DLG2: variants seen among roughly 807,000 people sequenced by gnomAD.
The protein encoded by DLG2 is disks large homolog 2.
Under a neutral mutation model 132.5 loss-of-function variants are expected in DLG2, and 45 were observed. The ratio of observed to expected loss-of-function variants is 0.34; its 90% CI spans 0.27 to 0.44. The LOEUF is 0.44. DLG2 is among the 20% of genes least tolerant of loss of function. The probability of loss-of-function intolerance (pLI) is 1.00; values close to 1 mark genes in which losing one functional copy is unlikely to be tolerated. For missense variants in DLG2, 1,045 were observed against 1,196.9 expected, an observed-to-expected ratio of 0.87 and a Z score of 1.87; for synonymous variants, 424 against 419.6, an observed-to-expected ratio of 1.01 and a Z score of -0.13.
intron 3 of DLG2, among the ~76,000 whole-genome samples, chr11:85,408,702 C>A (rs1478314324): frequency 6.6e-6 from 1 of 151,484 alleles, no homozygotes; most frequent in African/African-American, 2.4e-5. Flanking sequence ...CAATTTCATC[C>A]ATGTCCCTAC....
At chr11:85,200,347 A>T (rs2081373440) in intron 4 of DLG2, among the ~76,000 whole-genome samples, 1 of 152,194 alleles carries the variant, frequency 6.6e-6, no homozygotes, top group African/African-American at 2.4e-5. Context: ...CTTGACAGTG[A>T]ATCTAAGAGT....
chr11:83,480,384 C>T (rs1335244295), intron 22 of DLG2: 41 of 1,535,242 alleles, frequency 2.7e-5, no homozygotes, highest in Non-Finnish European at 3.1e-5. Flanking sequence ...TAGCTACTTT[C>T]GCTATCGCTG....
intron 6 of DLG2, among the ~76,000 whole-genome samples, chr11:84,661,100 C>T (rs529097374): frequency 1.3e-5 from 2 of 152,148 alleles, no homozygotes; most frequent in South Asian, 2.1e-4. Context: ...CCATATACGC[C>T]CCCTCTCTCC....
chr11:85,459,645 AG>A (rs1408978412), intron 3 of DLG2, among the ~76,000 whole-genome samples: 2 of 152,032 alleles, frequency 1.3e-5, no homozygotes, highest in Non-Finnish European at 2.9e-5. Flanking sequence ...CTTTCCATAT[AG>A]TGGCTGTAGT....
chr11:85,057,278 G>A (rs909806676), intron 6 of DLG2, among the ~76,000 whole-genome samples: 2 of 151,530 alleles, frequency 1.3e-5, no homozygotes, highest in African/African-American at 2.4e-5. Flanking sequence ...ATTAGAAAAG[G>A]CTTTAAAATG....
At chr11:83,518,964 G>C (rs2095391893) in intron 21 of DLG2, among the ~76,000 whole-genome samples, 1 of 152,194 alleles carries the variant, frequency 6.6e-6, no homozygotes, top group South Asian at 2.1e-4. Context: ...ACAGTGCCAA[G>C]AGAGTACAGC....
intron 19 of DLG2, among the ~76,000 whole-genome samples, chr11:83,629,964 C>A (rs1176356098): frequency 6.6e-6 from 1 of 152,106 alleles, no homozygotes; most frequent in Non-Finnish European, 1.5e-5. Context: ...GCAGGAAATA[C>A]ACAATACAAG....
intron 7 of DLG2, among the ~76,000 whole-genome samples, chr11:84,344,054 T>G (rs1403968394): frequency 6.6e-6 from 1 of 152,164 alleles, no homozygotes; most frequent in African/African-American, 2.4e-5. Context: ...CTACTTTATG[T>G]TCGAAAGAAT....
intron 6 of DLG2, among the ~76,000 whole-genome samples, chr11:84,860,678 T>C (rs1455210894): frequency 1.3e-5 from 2 of 152,086 alleles, no homozygotes; most frequent in South Asian, 4.1e-4. Context: ...CACACATAGG[T>C]AGACCAAACT....
At chr11:85,484,203 C>T (rs527391425) in intron 3 of DLG2, among the ~76,000 whole-genome samples, 8 of 125,446 alleles carry the variant, frequency 6.4e-5, no homozygotes, top group African/African-American at 1.2e-4. Context: ...TCCCGCCCCC[C>T]GTTCCTCCCG....
At chr11:85,170,439 G>A (rs2078769729) in intron 4 of DLG2, among the ~76,000 whole-genome samples, 1 of 152,158 alleles carries the variant, frequency 6.6e-6, no homozygotes, top group South Asian at 2.1e-4. Context: ...ACTCACCCAA[G>A]GGGAGAGTAA....
intron 11 of DLG2, among the ~76,000 whole-genome samples, chr11:84,053,699 A>T (rs1012414754): frequency 6.6e-6 from 1 of 152,020 alleles, no homozygotes; most frequent in African/African-American, 2.4e-5. Flanking sequence ...AGTGGTTCAT[A>T]TCTTTGTTCT....
intron 11 of DLG2, among the ~76,000 whole-genome samples, chr11:84,022,022 C>T (rs1266787160): frequency 1.3e-5 from 2 of 152,146 alleles, no homozygotes; most frequent in Non-Finnish European, 2.9e-5. Context: ...GCTGGGATTA[C>T]AGGTGTGAGT....
intron 22 of DLG2, among the ~76,000 whole-genome samples, chr11:83,478,670 TGTATA>T (rs1285568647): frequency 6.6e-6 from 1 of 152,042 alleles, no homozygotes; most frequent in Non-Finnish European, 1.5e-5. Context: ...AGGTAGTTCT[TGTATA>T]GTATATATTT....
chr11:83,842,405 C>G (rs1479933290), intron 16 of DLG2, among the ~76,000 whole-genome samples: 1 of 151,038 alleles, frequency 6.6e-6, no homozygotes, highest in African/African-American at 2.4e-5. Context: ...ACCATTCTGG[C>G]CAACATGGTG....
chr11:85,509,864 CTAA>C (rs1462049518), intron 3 of DLG2: 2 of 151,922 alleles, frequency 1.3e-5, no homozygotes, highest in Non-Finnish European at 2.9e-5. Context: ...AGAATTTGAT[CTAA>C]TGAGGCAGAT....
intron 19 of DLG2, among the ~76,000 whole-genome samples, chr11:83,600,236 G>GGTGTGTGTGTGTGTGTGTGTGTGTGT (rs57674131): frequency 6.9e-6 from 1 of 145,512 alleles, no homozygotes; most frequent in Non-Finnish European, 1.5e-5. Context: ...CTAGCTATAG[G>GGTGTGTGTGTGTGTGTGTGTGTGTGT]GTGTGTGTGT....
chr11:84,638,450 C>T (rs577772252), intron 6 of DLG2, among the ~76,000 whole-genome samples: 37 of 152,000 alleles, frequency 2.4e-4, no homozygotes, highest in Non-Finnish European at 5.0e-4. Context: ...GGTGACAGTC[C>T]CATTTTTGGA....
At chr11:85,207,317 C>A (rs1468378501) in intron 4 of DLG2, among the ~76,000 whole-genome samples, 2 of 152,198 alleles carry the variant, frequency 1.3e-5, no homozygotes, top group African/African-American at 4.8e-5. Context: ...CCTACTCCCC[C>A]AGCCTACCTT....
Sources: allele counts gnomAD v4.1 joint callset (sites outside exome capture counted in the v4.1 genomes callset), GRCh38; gene constraint gnomAD v4.1.1; transcripts MANE v1.5; gene names NCBI Gene and HGNC (gene_info 2026-07-23, HGNC 2026-07-21).